The following SAMD5 variants were observed in gnomAD, a reference collection of about 807,000 sequenced individuals.
The protein encoded by SAMD5 is sterile alpha motif domain containing 5.
In SAMD5, 13 loss-of-function variants were observed where a neutral mutation model predicts 11.3. That is an observed-to-expected ratio of 1.15 (90% CI 0.75 to 1.83). SAMD5 has a LOEUF of 1.83. Among genes scored for constraint, SAMD5 ranks in the 40% most tolerant of loss-of-function variants. The pLI is 0.00. For missense variants in SAMD5, 255 were observed against 239.1 expected, an observed-to-expected ratio of 1.07 and a Z score of -0.44; for synonymous variants, 129 against 111.3, an observed-to-expected ratio of 1.16 and a Z score of -1.00.
intron 1 of SAMD5, among the ~76,000 whole-genome samples, chr6:147,523,298 A>C (rs1002334415): frequency 6.6e-6 from 1 of 152,240 alleles, no homozygotes. Flanking sequence ...AAATATTACT[A>C]TAACAAATCC....
the SAMD5 span, among the ~76,000 whole-genome samples, chr6:147,820,770 TGGAAA>T: frequency 6.6e-6 from 1 of 152,050 alleles, no homozygotes; most frequent in African/African-American, 2.4e-5. Context: ...CTTTGCCGGG[TGGAAA>T]GGTCAAAGGA....
At position 147,564,495 on chromosome 6, in the gene SAMD5, C is replaced by A. The variant is rs891028936; in HGVS notation, c.*39C>A. 2.5e-6 allele frequency: 2 copies of A among 809,050 alleles called. No individual in the cohort carries two copies. Among genetic ancestry groups the A allele is most frequent in the East Asian group, 2.4e-5 (1 of 41,204 alleles). The allele number at this position is 809,050 out of a possible 1,614,324, so 50.1% of individuals were successfully genotyped here. ...GACCTCGTGGAGGACTGATGAGGTG[C>A]CTGAAGACTGGAAAAGGGCATATTT... On this transcript the variant is annotated 3_prime_UTR_variant, in exon 2 of 2. Coordinates refer to ENST00000367474, the MANE Select transcript of SAMD5 (RefSeq NM_001030060.3).
chr6:147,568,034 C>T lies in SAMD5; in HGVS notation c.*3578C>T. ...GAAGGTATTTCATTAGCTTTCTTCT[C>T]TTTATGGCAGCTTCAGATTGATGAA... On this transcript the variant is annotated 3_prime_UTR_variant, in exon 2 of 2. Coordinates refer to ENST00000367474, the MANE Select transcript of SAMD5 (RefSeq NM_001030060.3). 2.0e-6 allele frequency: 2 copies of T among 985,370 alleles called. No individual in the cohort carries two copies. Among genetic ancestry groups the T allele is most frequent in the Non-Finnish European group, 2.4e-6 (2 of 829,910 alleles). 61.0% of individuals were successfully genotyped at this position (985,370 alleles called of 1,614,324 possible). A position where few individuals can be genotyped will look rare whatever the true frequency, so the allele number is the denominator to read the frequency against.
At chr6:147,894,173 GAGTGC>G in the SAMD5 span, among the ~76,000 whole-genome samples, 1 of 149,612 alleles carries the variant, frequency 6.7e-6, no homozygotes, top group Non-Finnish European at 1.5e-5. Flanking sequence ...CACCAGGCTG[GAGTGC>G]AGTGGCACAA....
intron 1 of SAMD5, among the ~76,000 whole-genome samples, chr6:147,610,838 C>T (rs942028586): frequency 1.7e-4 from 26 of 150,018 alleles, no homozygotes; most frequent in Admixed American, 1.7e-3. Context: ...GAGATTGATG[C>T]GGATAAAATC....
chr6:147,821,438 T>A, the SAMD5 span, among the ~76,000 whole-genome samples: 1 of 152,176 alleles, frequency 6.6e-6, no homozygotes, highest in Non-Finnish European at 1.5e-5. Flanking sequence ...GGGAAACCTC[T>A]GAAGGCTACG....
At chr6:147,624,761 T>C (rs1233787681) in intron 1 of SAMD5, among the ~76,000 whole-genome samples, 1 of 151,964 alleles carries the variant, frequency 6.6e-6, no homozygotes, top group African/African-American at 2.4e-5. Context: ...AGACTACAAA[T>C]TGGGTTCGGT....
At chr6:147,685,860 A>G (rs1033869884) in intron 1 of SAMD5, among the ~76,000 whole-genome samples, 1 of 152,210 alleles carries the variant, frequency 6.6e-6, no homozygotes, top group Middle Eastern at 3.2e-3. Flanking sequence ...TGACTAATCA[A>G]TGACAGACTT....
the SAMD5 span, among the ~76,000 whole-genome samples, chr6:147,861,751 C>T: frequency 6.6e-6 from 1 of 152,170 alleles, no homozygotes; most frequent in Non-Finnish European, 1.5e-5. Flanking sequence ...ACTTTCCTTT[C>T]CAGGACCCAT....
intron 1 of SAMD5, among the ~76,000 whole-genome samples, chr6:147,702,076 T>A (rs1372875863): frequency 6.6e-6 from 1 of 152,198 alleles, no homozygotes; most frequent in African/African-American, 2.4e-5. Flanking sequence ...CATTTCCACA[T>A]GGCTGAGGAA....
chr6:147,574,982 G>T (rs1392920066), downstream of SAMD5, among the ~76,000 whole-genome samples: 1 of 152,138 alleles, frequency 6.6e-6, no homozygotes, highest in Non-Finnish European at 1.5e-5. Flanking sequence ...GGAGAATGCT[G>T]CCAGTTTAAC....
the SAMD5 span, among the ~76,000 whole-genome samples, chr6:147,830,671 G>A: frequency 3.1e-3 from 473 of 152,110 alleles, 4 homozygotes; most frequent in African/African-American, 5.1e-3. Context: ...TACTTGTAAC[G>A]TTAGTCTTCT....
downstream of SAMD5, among the ~76,000 whole-genome samples, chr6:147,739,492 G>A (rs1791849099): frequency 6.6e-6 from 1 of 152,106 alleles, no homozygotes; most frequent in Non-Finnish European, 1.5e-5. Flanking sequence ...CAGCTGCTTG[G>A]GAAGCTGAGG....
the SAMD5 span, among the ~76,000 whole-genome samples, chr6:147,838,852 A>C: frequency 6.6e-6 from 1 of 152,178 alleles, no homozygotes; most frequent in Non-Finnish European, 1.5e-5. Context: ...GCCGTGTCAC[A>C]CTAAAGGTAA....
chr6:147,718,699 C>CT (rs869293588), intron 1 of SAMD5, among the ~76,000 whole-genome samples: 13 of 138,248 alleles, frequency 9.4e-5, no homozygotes, highest in South Asian at 2.3e-4. Context: ...CGTTTTTTTT[C>CT]TTTTTTTTGG....
chr6:147,813,747 G>A, the SAMD5 span, among the ~76,000 whole-genome samples: 1 of 152,134 alleles, frequency 6.6e-6, no homozygotes, highest in African/African-American at 2.4e-5. Context: ...AGCCTGTGGG[G>A]ACAGCTAATT....
intron 1 of SAMD5, among the ~76,000 whole-genome samples, chr6:147,724,139 A>G (rs73014090): frequency 0.032 from 4,905 of 152,126 alleles, 102 homozygotes; most frequent in Middle Eastern, 0.092. Context: ...AAATATATAT[A>G]TTTTTTGAAA....
At chr6:147,549,604 G>A (rs969044683) in intron 1 of SAMD5, among the ~76,000 whole-genome samples, 10 of 151,962 alleles carry the variant, frequency 6.6e-5, no homozygotes, top group East Asian at 1.9e-4. Context: ...ACATCGCGTC[G>A]GTTTTGGGCT....
chr6:147,823,445 C>T, the SAMD5 span, among the ~76,000 whole-genome samples: 5,211 of 152,092 alleles, frequency 0.034, 108 homozygotes, highest in Middle Eastern at 0.051. Context: ...ATAAAAAAAC[C>T]CACAAAATCT....
Sources: allele counts gnomAD v4.1 joint callset (sites outside exome capture counted in the v4.1 genomes callset), GRCh38; gene constraint gnomAD v4.1.1; transcripts MANE v1.5; gene names NCBI Gene and HGNC (gene_info 2026-07-23, HGNC 2026-07-21).